The following DCC variants were observed in gnomAD, a reference collection of about 807,000 sequenced individuals.
DCC encodes netrin receptor DCC.
A neutral mutation model predicts 172.5 loss-of-function variants in DCC; 58 were observed. That is an observed-to-expected ratio of 0.34 (90% confidence interval 0.27 to 0.42). The LOEUF is 0.42. Among genes scored for constraint, DCC ranks in the 10% least tolerant of loss-of-function variants. DCC has a pLI of 1.00. For synonymous variants in DCC, 709 were observed against 644.5 expected (o/e 1.10, Z -1.52); for missense variants, 1,740 against 1,791.0 (o/e 0.97, Z 0.51).
At chr18:53,117,020 G>A (rs2043418707) in intron 7 of DCC, among the ~76,000 whole-genome samples, 1 of 151,498 alleles carries the variant, frequency 6.6e-6, no homozygotes, top group South Asian at 2.1e-4. Flanking sequence ...TTTTTTAGAT[G>A]GAAAGTTATA....
intron 2 of DCC, among the ~76,000 whole-genome samples, chr18:52,837,993 C>A (rs1398299511): frequency 6.6e-6 from 1 of 152,148 alleles, no homozygotes; most frequent in Non-Finnish European, 1.5e-5. Context: ...CTTTATAAAA[C>A]CATCAGATCT....
At chr18:52,432,950 C>A (rs980095957) in intron 1 of DCC, among the ~76,000 whole-genome samples, 1 of 152,176 alleles carries the variant, frequency 6.6e-6, no homozygotes, top group Non-Finnish European at 1.5e-5. Context: ...TGCACTCTAA[C>A]ATCTGGCCTT....
intron 5 of DCC, among the ~76,000 whole-genome samples, chr18:53,005,328 A>T (rs974816431): frequency 7.9e-5 from 12 of 152,086 alleles, no homozygotes; most frequent in African/African-American, 2.7e-4. Flanking sequence ...CATCTTTTTC[A>T]CTTTATATTA....
chr18:52,740,527 G>T (rs937796818), intron 1 of DCC, among the ~76,000 whole-genome samples: 2 of 152,168 alleles, frequency 1.3e-5, no homozygotes, highest in East Asian at 3.8e-4. Context: ...CACATCAGAC[G>T]TTATGCCACA....
intron 28 of DCC, among the ~76,000 whole-genome samples, chr18:53,527,374 A>G (rs1305489050): frequency 1.3e-5 from 2 of 151,874 alleles, no homozygotes; most frequent in African/African-American, 4.8e-5. Context: ...GCACATTACT[A>G]CACCAACTTA....
intron 9 of DCC, among the ~76,000 whole-genome samples, chr18:53,190,947 GAAACAAAC>G (rs751588842): frequency 2.6e-5 from 4 of 152,072 alleles, no homozygotes; most frequent in African/African-American, 4.8e-5. Flanking sequence ...TCCGTCTTAA[GAAACAAAC>G]AAACAAACAA....
chr18:53,045,222 G>A (rs2042221277), intron 5 of DCC, among the ~76,000 whole-genome samples: 1 of 151,788 alleles, frequency 6.6e-6, no homozygotes, highest in African/African-American at 2.4e-5. Flanking sequence ...AAAACTGGAA[G>A]AATTACATAA....
intron 5 of DCC, among the ~76,000 whole-genome samples, chr18:53,038,115 G>T (rs570384842): frequency 8.6e-5 from 13 of 151,916 alleles, no homozygotes; most frequent in African/African-American, 2.9e-4. Context: ...TATTCATTTA[G>T]CCCTCAACAA....
At chr18:52,736,996 G>T (rs2036740200) in intron 1 of DCC, among the ~76,000 whole-genome samples, 1 of 152,160 alleles carries the variant, frequency 6.6e-6, no homozygotes. Context: ...TATAAATTTA[G>T]TTCTGAGTAT....
chr18:53,207,925 A>T, intron 11 of DCC, 108 bp downstream of exon 11: 1 of 1,005,904 alleles, frequency 9.9e-7, no homozygotes, highest in Non-Finnish European at 1.6e-6. Context: ...CTTCCTGACT[A>T]AAATTTTATG....
chr18:52,992,575 C>T (rs1409577949), intron 5 of DCC, among the ~76,000 whole-genome samples: 3 of 152,138 alleles, frequency 2.0e-5, no homozygotes, highest in Non-Finnish European at 4.4e-5. Flanking sequence ...CAGATACCAC[C>T]TCCTTAAGCC....
intron 5 of DCC, among the ~76,000 whole-genome samples, chr18:53,058,296 T>G (rs543475495): frequency 6.6e-5 from 10 of 152,212 alleles, no homozygotes; most frequent in African/African-American, 2.4e-4. Flanking sequence ...AAAATAAGAT[T>G]TGAGCAGGGA....
At chr18:53,351,061 A>G (rs2057785983) in intron 15 of DCC, among the ~76,000 whole-genome samples, 1 of 150,852 alleles carries the variant, frequency 6.6e-6, no homozygotes, top group South Asian at 2.1e-4. Context: ...CTAAACCTAT[A>G]GCTGTTTTCA....
At chr18:52,790,018 T>C (rs2037730281) in intron 2 of DCC, among the ~76,000 whole-genome samples, 1 of 152,124 alleles carries the variant, frequency 6.6e-6, no homozygotes, top group South Asian at 2.1e-4. Context: ...GTAAACACTG[T>C]CATTGATAGA....
chr18:53,202,014 A>T (rs531658855), intron 9 of DCC, among the ~76,000 whole-genome samples: 1 of 152,178 alleles, frequency 6.6e-6, no homozygotes, highest in African/African-American at 2.4e-5. Flanking sequence ...ATGTATATAA[A>T]CATTTGTGTA....
rs963990536 is a variant in DCC at position 53,197,580 on chromosome 18, C to G, written c.1574-7636C>G. On this transcript the variant is annotated intron_variant, in intron 9 of 28. Coordinates refer to ENST00000442544, the MANE Select transcript of DCC (RefSeq NM_005215.4). Reference sequence around the variant, plus strand: ...ATTTATCTTCATTTTGGACTTCCAGCTGAGAAACATCAGTATAATGGCTCG... The same window carrying G: ...ATTTATCTTCATTTTGGACTTCCAGGTGAGAAACATCAGTATAATGGCTCG... 4.6e-5 allele frequency among the ~76,000 whole-genome samples: 7 copies of G among 152,062 alleles called. 1 individual carries two copies. Among genetic ancestry groups the G allele is most frequent in the Admixed American group, 4.6e-4 (7 of 15,254 alleles).
Position 52,899,395 on chromosome 18 carries a change from C to T in DCC, c.413-6649C>T, listed in dbSNP as rs1356730410. Among the ~76,000 whole-genome samples the T allele has an allele frequency of 3.0e-5, 4 of 134,136 alleles. No homozygotes were observed. The East Asian group carries it at 8.9e-4, about 30-fold the overall frequency. The allele number at this position is 134,136 out of a possible 152,430, so 88.0% of individuals were successfully genotyped here. On this transcript the variant is annotated intron_variant, in intron 2 of 28. Transcript: ENST00000442544. ...TGAGACAGAGTTTCACTTTTGTTGC[C>T]CAGGCTGGAGTGCAATGGCACCATG...
intron 1 of DCC, among the ~76,000 whole-genome samples, chr18:52,505,034 C>T (rs749391597): frequency 6.6e-6 from 1 of 152,150 alleles, no homozygotes. Context: ...TCTAAAGACA[C>T]AGCTGAAAGC....
chr18:53,488,096 A>G (rs1371863873), intron 26 of DCC, among the ~76,000 whole-genome samples: 1 of 152,180 alleles, frequency 6.6e-6, no homozygotes, highest in African/African-American at 2.4e-5. Flanking sequence ...GATTTCTTGT[A>G]TATTCTCTGA....
Sources: allele counts gnomAD v4.1 joint callset (sites outside exome capture counted in the v4.1 genomes callset), GRCh38; gene constraint gnomAD v4.1.1; transcripts MANE v1.5; gene names NCBI Gene and HGNC (gene_info 2026-07-23, HGNC 2026-07-21).